SNTG1: variants seen among roughly 807,000 people sequenced by gnomAD.
SNTG1 encodes syntrophin gamma 1, also known as gamma-1-syntrophin.
SNTG1 carries 39 observed loss-of-function variants against 74.7 expected under a neutral mutation model. The observed-to-expected ratio is 0.52, with a 90% CI of 0.40 to 0.68. SNTG1 has a LOEUF of 0.68. Among genes scored for constraint, SNTG1 ranks in the 30% least tolerant of loss-of-function variants. The pLI, the probability that SNTG1 is intolerant of heterozygous loss-of-function variation, is 0.00. For missense variants in SNTG1, 685 were observed against 609.5 expected (o/e 1.12, Z -1.30); for synonymous variants, 254 against 217.1 (o/e 1.17, Z -1.49).
chr8:50,597,130 T>C (rs970156906), intron 13 of SNTG1, among the ~76,000 whole-genome samples: 3 of 151,556 alleles, frequency 2.0e-5, no homozygotes, highest in African/African-American at 7.3e-5. Context: ...TGAGATCAAC[T>C]TTTTTTTCGA....
chr8:50,047,213 C>A (rs1052994884), intron 1 of SNTG1, among the ~76,000 whole-genome samples: 3 of 151,880 alleles, frequency 2.0e-5, no homozygotes, highest in Non-Finnish European at 4.4e-5. Context: ...GTGGTGCATG[C>A]CTGTGGTCTC....
chr8:50,779,023 C>T (rs1377549201), intron 18 of SNTG1, among the ~76,000 whole-genome samples: 3 of 152,128 alleles, frequency 2.0e-5, no homozygotes, highest in Non-Finnish European at 4.4e-5. Flanking sequence ...AGATATGCGG[C>T]GTTATTTCTG....
chr8:49,973,516 TAA>T (rs879358498), intron 1 of SNTG1, among the ~76,000 whole-genome samples: 4 of 129,954 alleles, frequency 3.1e-5, no homozygotes, highest in Non-Finnish European at 1.7e-5. Flanking sequence ...AGCATAATAA[TAA>T]AAAAAAAAAA....
At chr8:49,934,001 G>A (rs1807821968) in intron 1 of SNTG1, among the ~76,000 whole-genome samples, 1 of 152,124 alleles carries the variant, frequency 6.6e-6, no homozygotes, top group South Asian at 2.1e-4. Context: ...CTTTCTTTCT[G>A]TCTCTCAACA....
intron 1 of SNTG1, among the ~76,000 whole-genome samples, chr8:49,950,059 A>G (rs1809565685): frequency 6.6e-6 from 1 of 152,206 alleles, no homozygotes; most frequent in Non-Finnish European, 1.5e-5. Context: ...CCTGTGAGGC[A>G]GAGGTTTCAG....
rs559925927 is a variant in SNTG1 at position 50,423,040 on chromosome 8, C to G, written c.163-15503C>G. ...AGCTCAGATCTTTTTAGCTGTCAAA[C>G]TTTTCTCACTGATACAGTTTTTGCA... On this transcript the variant is annotated intron_variant, in intron 4 of 18. Transcript: ENST00000642720. 3.3e-5 allele frequency among the ~76,000 whole-genome samples: 5 copies of G among 152,222 alleles called. No homozygotes were observed. The South Asian group carries it at 1.0e-3, about 32-fold the overall frequency.
At chr8:50,420,417 T>G (rs1235664041) in intron 4 of SNTG1, among the ~76,000 whole-genome samples, 2 of 152,092 alleles carry the variant, frequency 1.3e-5, no homozygotes, top group Non-Finnish European at 2.9e-5. Flanking sequence ...CAAAATTCTA[T>G]ATCTGTGAAA....
Position 50,093,992 on chromosome 8 carries a change from G to A in SNTG1, c.-102-78569G>A, listed in dbSNP as rs1482716410. 3.3e-5 allele frequency among the ~76,000 whole-genome samples: 5 copies of A among 152,158 alleles called. 1 individual carries two copies. The South Asian group carries it at 1.0e-3, about 32-fold the overall frequency. On this transcript the variant is annotated intron_variant, in intron 1 of 18. Coordinates refer to ENST00000642720, the MANE Select transcript of SNTG1 (RefSeq NM_018967.5). ...AACAAAGAAAAAGGAAAAGCCATCT[G>A]TCTATGTGTTTGGTTTTCATTTATG...
At chr8:50,634,890 T>A (rs2095028914) in intron 13 of SNTG1, among the ~76,000 whole-genome samples, 1 of 152,216 alleles carries the variant, frequency 6.6e-6, no homozygotes, top group African/African-American at 2.4e-5. Flanking sequence ...TTCTACAATT[T>A]GGTCATTTCA....
chr8:50,071,815 T>TAAA lies in SNTG1; in HGVS notation c.-102-100735_-102-100733dup, dbSNP rs10657455. Among the ~76,000 whole-genome samples the TAAA allele has an allele frequency of 8.4e-3, 1,215 of 145,354 alleles. 11 individuals carry two copies. Among genetic ancestry groups the TAAA allele is most frequent in the African/African-American group, 0.027 (1,055 of 39,188 alleles). On this transcript the variant is annotated intron_variant, in intron 1 of 18. Coordinates refer to ENST00000642720, the MANE Select transcript of SNTG1 (RefSeq NM_018967.5). ...ATTTTGATAGAGAACATACTAGTAC[T>TAAA]AAAAAAAAAAAAACCTAAGATTAAT...
chr8:50,762,395 T>C (rs1284521870), intron 18 of SNTG1: 1 of 194,790 alleles, frequency 5.1e-6, no homozygotes, highest in Non-Finnish European at 1.1e-5. Flanking sequence ...TCATTCATGA[T>C]CTGAATTCTG....
chr8:50,324,083 A>G (rs1303318259), intron 2 of SNTG1, among the ~76,000 whole-genome samples: 1 of 152,124 alleles, frequency 6.6e-6, no homozygotes, highest in Non-Finnish European at 1.5e-5. Flanking sequence ...TTTCAAGTTT[A>G]CCTAGGACCC....
At chr8:50,526,124 G>A (rs1271988736) in intron 9 of SNTG1, among the ~76,000 whole-genome samples, 1 of 151,928 alleles carries the variant, frequency 6.6e-6, no homozygotes, top group African/African-American at 2.4e-5. Flanking sequence ...TCCTCTGCTG[G>A]TCTGGCTGCA....
In SNTG1 at chr8:50,458,948, T is replaced by A. The variant is rs117319466; in HGVS notation, c.363+8219T>A. Among the ~76,000 whole-genome samples the A allele has an allele frequency of 5.8e-4, 88 of 152,326 alleles. No homozygotes were observed. In the East Asian group the frequency reaches 0.016, roughly 27 times the overall value. ...AGTCTACTTTATCAATATTTTAATT[T>A]TGTCAGTTGTGCTTTTGGTGTCTTA... On this transcript the variant is annotated intron_variant, in intron 8 of 18. Coordinates refer to ENST00000642720, the MANE Select transcript of SNTG1 (RefSeq NM_018967.5).
At chr8:50,054,555 A>G (rs190083525) in intron 1 of SNTG1, among the ~76,000 whole-genome samples, 92 of 152,208 alleles carry the variant, frequency 6.0e-4, no homozygotes, top group African/African-American at 2.1e-3. Context: ...TGTTGCCAAA[A>G]TGTTCCTTCT....
intron 2 of SNTG1, among the ~76,000 whole-genome samples, chr8:50,283,677 C>A (rs1007891608): frequency 5.3e-5 from 8 of 152,112 alleles, no homozygotes; most frequent in African/African-American, 1.9e-4. Flanking sequence ...CAACTCTTAA[C>A]TGAGTACATT....
At chr8:50,388,327 T>G (rs192887591) in intron 2 of SNTG1, among the ~76,000 whole-genome samples, 1 of 152,210 alleles carries the variant, frequency 6.6e-6, no homozygotes, top group Non-Finnish European at 1.5e-5. Context: ...CCTTGCCTTA[T>G]CAATACTTGA....
At chr8:50,506,719 C>T (rs1186496216) in intron 9 of SNTG1, among the ~76,000 whole-genome samples, 1 of 151,866 alleles carries the variant, frequency 6.6e-6, no homozygotes, top group Admixed American at 6.6e-5. Context: ...TGTGTTTAAA[C>T]TTTAGAGTTT....
intron 2 of SNTG1, among the ~76,000 whole-genome samples, chr8:50,322,788 A>C (rs946122071): frequency 1.3e-5 from 2 of 151,698 alleles, no homozygotes; most frequent in African/African-American, 2.4e-5. Flanking sequence ...AAGCTCACTA[A>C]TTCTTTCTTC....
Sources: gnomAD v4.1 joint callset for allele counts (sites outside exome capture counted in the v4.1 genomes callset) on GRCh38, gnomAD v4.1.1 for gene constraint, MANE v1.5 for transcripts, NCBI Gene and HGNC (gene_info 2026-07-23, HGNC 2026-07-21) for gene names.